Variants in PRKCE observed in about 807,000 individuals in gnomAD.
PRKCE encodes protein kinase C epsilon.
Under a neutral mutation model 85.4 loss-of-function variants are expected in PRKCE, and 16 were observed. That is an observed-to-expected ratio of 0.19 (90% CI 0.13 to 0.28). The LOEUF (loss-of-function observed/expected upper bound fraction) is 0.28, where lower values mean the gene tolerates loss of function less well. Among genes scored for constraint, PRKCE ranks in the 10% least tolerant of loss-of-function variants. The probability of loss-of-function intolerance (pLI) is 1.00; values close to 1 mark genes in which losing one functional copy is unlikely to be tolerated. For synonymous variants in PRKCE, 388 were observed against 371.5 expected, an observed-to-expected ratio of 1.04 and a Z score of -0.51; for missense variants, 573 against 975.2, an observed-to-expected ratio of 0.59 and a Z score of 5.49.
intron 1 of PRKCE, among the ~76,000 whole-genome samples, chr2:45,760,232 C>A (rs183480164): frequency 6.6e-6 from 1 of 152,158 alleles, no homozygotes; most frequent in African/African-American, 2.4e-5. Flanking sequence ...CTGCAAACCA[C>A]CTTATCCAAT....
intron 2 of PRKCE, among the ~76,000 whole-genome samples, chr2:45,939,102 T>G (rs1344967860): frequency 6.6e-6 from 1 of 152,200 alleles, no homozygotes; most frequent in Non-Finnish European, 1.5e-5. Context: ...CCCCGTTGTT[T>G]CTTCTCCCGG....
At chr2:45,681,540 T>G (rs1042512789) in intron 1 of PRKCE, among the ~76,000 whole-genome samples, 9 of 152,226 alleles carry the variant, frequency 5.9e-5, no homozygotes, top group African/African-American at 2.2e-4. Flanking sequence ...CCAAAATTGT[T>G]TTGGTTTTGG....
At chr2:45,880,277 C>G (rs1160598781) in intron 2 of PRKCE, among the ~76,000 whole-genome samples, 2 of 152,192 alleles carry the variant, frequency 1.3e-5, no homozygotes, top group East Asian at 1.9e-4. Context: ...TTATCAGACA[C>G]CTTGGTTGAT....
intron 2 of PRKCE, among the ~76,000 whole-genome samples, chr2:45,858,833 G>C (rs1254632168): frequency 1.3e-5 from 2 of 152,138 alleles, no homozygotes; most frequent in Non-Finnish European, 2.9e-5. Context: ...TTGAGGTCAG[G>C]AGTTTGAGAC....
intron 2 of PRKCE, among the ~76,000 whole-genome samples, chr2:45,953,937 A>G (rs1700802241): frequency 6.6e-6 from 1 of 152,256 alleles, no homozygotes; most frequent in African/African-American, 2.4e-5. Flanking sequence ...AAATTTTCAC[A>G]GAAGTGAATG....
intron 2 of PRKCE, among the ~76,000 whole-genome samples, chr2:45,957,846 A>G (rs1231133696): frequency 6.6e-6 from 1 of 151,860 alleles, no homozygotes; most frequent in African/African-American, 2.4e-5. Context: ...CAGAGGTTCA[A>G]GGCTGCAGTG....
rs1678269279 is a variant in PRKCE at position 45,697,674 on chromosome 2, C to A, written c.348+45226C>A. Among the ~76,000 whole-genome samples the A allele has an allele frequency of 6.6e-6, 1 of 152,144 alleles. No homozygotes were observed. Among genetic ancestry groups the A allele is most frequent in the African/African-American group, 2.4e-5 (1 of 41,424 alleles). On this transcript the variant is annotated intron_variant, in intron 1 of 14. Transcript: ENST00000306156. This position sits in a 1 kb window ranked among gnomAD's most constrained non-coding sequence, Gnocchi z 4.2. ...CATCTTCACCTGAAGGCCCTTGGCT[C>A]CAACCTGCCTCTGTTCCCAGGAGCT...
intron 5 of PRKCE, 84 bp downstream of exon 5, chr2:45,980,465 CCTT>C: frequency 7.9e-7 from 1 of 1,263,274 alleles, no homozygotes; most frequent in Non-Finnish European, 1.1e-6. Context: ...CCCAAGAAAA[CCTT>C]CTCTGCCTGA....
At chr2:45,923,855 G>A (rs1698427729) in intron 2 of PRKCE, among the ~76,000 whole-genome samples, 3 of 152,204 alleles carry the variant, frequency 2.0e-5, no homozygotes, top group Non-Finnish European at 2.9e-5. Flanking sequence ...AAGCAAAGGT[G>A]AGGTGGTTGG....
intron 14 of PRKCE, chr2:46,164,752 G>A (rs1164661391): frequency 6.6e-6 from 1 of 152,324 alleles, no homozygotes; most frequent in African/African-American, 2.4e-5. Flanking sequence ...CAAGGACAGA[G>A]CCCCTTCGTG....
At chr2:46,151,318 CA>C in intron 13 of PRKCE, 89 bp downstream of exon 13, 5 of 1,171,240 alleles carry the variant, frequency 4.3e-6, no homozygotes, top group South Asian at 1.5e-5. Context: ...CACACACACA[CA>C]CACACTCCCT....
At chr2:45,814,073 G>T (rs1474071766) in intron 1 of PRKCE, among the ~76,000 whole-genome samples, 2 of 152,128 alleles carry the variant, frequency 1.3e-5, no homozygotes, top group Non-Finnish European at 2.9e-5. Context: ...AGAGGGGAAT[G>T]ATGCTGAGAA....
intron 11 of PRKCE, among the ~76,000 whole-genome samples, chr2:46,134,351 C>A (rs1674752648): frequency 6.6e-6 from 1 of 152,142 alleles, no homozygotes; most frequent in African/African-American, 2.4e-5. Context: ...GGCCTTCTAG[C>A]CTTTTCCATC....
chr2:46,076,481 G>C (rs1668569426), intron 10 of PRKCE, among the ~76,000 whole-genome samples: 1 of 152,170 alleles, frequency 6.6e-6, no homozygotes, highest in East Asian at 1.9e-4. Context: ...ATTAGAGGCA[G>C]GAAATGTTTA....
At chr2:45,661,363 A>G (rs905970731) in intron 1 of PRKCE, among the ~76,000 whole-genome samples, 8 of 151,590 alleles carry the variant, frequency 5.3e-5, no homozygotes, top group African/African-American at 1.9e-4. Context: ...CTGTATTTTT[A>G]GTAGAAACAG....
chr2:46,037,952 A>G (rs1707974003), intron 10 of PRKCE, among the ~76,000 whole-genome samples: 2 of 152,196 alleles, frequency 1.3e-5, no homozygotes, highest in African/African-American at 4.8e-5. Context: ...AACATAAAAA[A>G]TAAATGAGGA....
At chr2:45,840,065 C>A (rs997395044) in intron 1 of PRKCE, among the ~76,000 whole-genome samples, 4 of 152,186 alleles carry the variant, frequency 2.6e-5, no homozygotes, top group African/African-American at 9.7e-5. Context: ...ATGGTGCCTG[C>A]CTTTGGATAG....
At chr2:45,811,117 G>A (rs1211614367) in intron 1 of PRKCE, among the ~76,000 whole-genome samples, 43 of 152,238 alleles carry the variant, frequency 2.8e-4, no homozygotes, top group Non-Finnish European at 1.3e-4. Flanking sequence ...TGGGGAATGT[G>A]TTCTTTATAA....
intron 1 of PRKCE, among the ~76,000 whole-genome samples, chr2:45,704,280 T>A (rs1678925599): frequency 6.6e-6 from 1 of 152,216 alleles, no homozygotes; most frequent in Non-Finnish European, 1.5e-5. Flanking sequence ...GGTTGGTTTT[T>A]CTGGTTTGTA....
Sources: gnomAD v4.1 joint callset for allele counts (sites outside exome capture counted in the v4.1 genomes callset) on GRCh38, gnomAD v4.1.1 for gene constraint, Gnocchi (gnomAD v3.1) non-coding constraint, MANE v1.5 for transcripts, NCBI Gene and HGNC (gene_info 2026-07-23, HGNC 2026-07-21) for gene names.